EDA2R: variants seen among roughly 807,000 people sequenced by gnomAD.
The protein encoded by EDA2R is tumor necrosis factor receptor superfamily member 27.
Under a neutral mutation model 20.1 loss-of-function variants are expected in EDA2R, and 26 were observed. The ratio of observed to expected loss-of-function variants is 1.30; its 90% CI spans 0.95 to 1.80. The LOEUF is 1.80. EDA2R is among the 40% of genes most tolerant of loss of function. EDA2R has a pLI of 0.00. For synonymous variants in EDA2R, 114 were observed against 88.7 expected (o/e 1.29, Z -1.60); for missense variants, 277 against 228.7 (o/e 1.21, Z -1.36).
At position 66,596,277 on chromosome X, in the gene EDA2R, T is replaced by C. The variant is rs756867323; in HGVS notation, c.*1827A>G. On this transcript the variant is annotated 3_prime_UTR_variant, in exon 7 of 7. Coordinates refer to ENST00000374719, the MANE Select transcript of EDA2R (RefSeq NM_021783.5). ...TGAAAAGTAAAACTGTAAAAAGAAC[T>C]CTCCTGAAGCAAATACTCAACTATG... 2.7e-5 allele frequency: 3 copies of C among 110,824 alleles called. No homozygotes were observed. Among genetic ancestry groups the C allele is most frequent in the South Asian group, 3.8e-4 (1 of 2,623 alleles). 9.1% of individuals were successfully genotyped at this position (110,824 alleles called of 1,213,427 possible). A position where few individuals can be genotyped will look rare whatever the true frequency, so the allele number is the denominator to read the frequency against.
chrX:66,604,582 A>C, intron 3 of EDA2R, 76 bp from the exon 4 acceptor site: 1 of 966,359 alleles, frequency 1.0e-6, no homozygotes, highest in Non-Finnish European at 1.4e-6. Context: ...CTGGGAAAGC[A>C]GCTCCTAAGA....
intron 6 of EDA2R, 145 bp downstream of exon 6, chrX:66,599,329 G>A: frequency 1.6e-6 from 1 of 624,454 alleles, no homozygotes; most frequent in South Asian, 4.3e-5. Context: ...CACCACTGTT[G>A]CCCCTCCACC....
chrX:66,615,198 G>A (rs1289099018), intron 2 of EDA2R, among the ~76,000 whole-genome samples: 1 of 111,743 alleles, frequency 8.9e-6, no homozygotes, highest in Non-Finnish European at 1.9e-5. Flanking sequence ...CCATATCCAT[G>A]GTGTCTACAA....
At chrX:66,638,217 G>A (rs1934531620) in intron 1 of EDA2R, among the ~76,000 whole-genome samples, 1 of 111,677 alleles carries the variant, frequency 9.0e-6, no homozygotes, top group African/African-American at 3.3e-5. Flanking sequence ...CAGTGAGTCT[G>A]CGGAGTTGAA....
rs191392734 is a variant in EDA2R at position 66,613,740 on chromosome X, G to A, written c.87+2194C>T. 3.2e-4 allele frequency among the ~76,000 whole-genome samples: 36 copies of A among 111,489 alleles called. 1 individual carries two copies. In the South Asian group the frequency reaches 9.7e-3, roughly 30 times the overall value. On this transcript the variant is annotated intron_variant, in intron 2 of 6. Coordinates refer to ENST00000374719, the MANE Select transcript of EDA2R (RefSeq NM_021783.5). ...GATATATTTCAAGAGTCTTAAAATC[G>A]TACGCATTATTTAGCTTGGCAATTA...
intron 2 of EDA2R, among the ~76,000 whole-genome samples, chrX:66,615,161 T>C (rs1265653623): frequency 8.9e-6 from 1 of 112,223 alleles, no homozygotes; most frequent in African/African-American, 3.2e-5. Context: ...GTAAGGTCCA[T>C]GAAGGCAAAT....
intron 1 of EDA2R, among the ~76,000 whole-genome samples, chrX:66,626,998 A>G (rs1399283042): frequency 9.0e-6 from 1 of 111,584 alleles, no homozygotes; most frequent in East Asian, 2.8e-4. Flanking sequence ...TCAGCCAGGA[A>G]TTTTGTATCC....
chrX:66,606,294 C>T (rs1929670707), intron 2 of EDA2R, among the ~76,000 whole-genome samples: 1 of 111,939 alleles, frequency 8.9e-6, no homozygotes, highest in Admixed American at 9.5e-5. Context: ...TCTTTAACCC[C>T]ACTGCAATGA....
Position 66,607,961 on chromosome X carries a change from G to C in EDA2R, c.88-2735C>G, listed in dbSNP as rs1337994563. On this transcript the variant is annotated intron_variant, in intron 2 of 6. Coordinates refer to ENST00000374719, the MANE Select transcript of EDA2R (RefSeq NM_021783.5). ...CTTAAATTTGCTCAAAGACACACAT[G>C]GACAAAGAACTAAAAGAAATCAGGA... 6.3e-5 allele frequency among the ~76,000 whole-genome samples: 7 copies of C among 111,787 alleles called. No homozygotes were observed. The East Asian group carries it at 1.7e-3, about 27-fold the overall frequency.
chrX:66,618,362 G>T (rs1932066850), intron 1 of EDA2R, among the ~76,000 whole-genome samples: 1 of 112,257 alleles, frequency 8.9e-6, no homozygotes, highest in African/African-American at 3.2e-5. Context: ...TCATTACCTA[G>T]GGAGAAAGTC....
chrX:66,628,618 AC>A (rs756343165), intron 1 of EDA2R, among the ~76,000 whole-genome samples: 2 of 105,370 alleles, frequency 1.9e-5, no homozygotes, highest in East Asian at 2.9e-4. Flanking sequence ...GGAAAAATAC[AC>A]CCCCCCAGCT....
intron 2 of EDA2R, among the ~76,000 whole-genome samples, chrX:66,607,218 C>T (rs1194586317): frequency 8.9e-6 from 1 of 111,996 alleles, no homozygotes; most frequent in Admixed American, 9.4e-5. Flanking sequence ...AGCACAGAGC[C>T]AATCTAAAAA....
chrX:66,637,820 A>G, intron 1 of EDA2R, among the ~76,000 whole-genome samples: 1 of 111,889 alleles, frequency 8.9e-6, no homozygotes, highest in Non-Finnish European at 1.9e-5. Flanking sequence ...CAGCCCCATG[A>G]GGTGGGTGCT....
chrX:66,603,116 A>G (rs767776108), intron 4 of EDA2R, among the ~76,000 whole-genome samples: 9 of 112,051 alleles, frequency 8.0e-5, no homozygotes, highest in Non-Finnish European at 1.5e-4. Flanking sequence ...AGAGCACAAG[A>G]TAAACAAATC....
At chrX:66,616,857 G>T (rs761951388) in intron 1 of EDA2R, among the ~76,000 whole-genome samples, 1 of 112,124 alleles carries the variant, frequency 8.9e-6, no homozygotes, top group African/African-American at 3.2e-5. Flanking sequence ...CTTAATCTAA[G>T]AAAAAGGGAT....
chrX:66,633,184 C>G (rs992216375), intron 1 of EDA2R, among the ~76,000 whole-genome samples: 1 of 112,201 alleles, frequency 8.9e-6, no homozygotes, highest in African/African-American at 3.2e-5. Flanking sequence ...TCAAAACATG[C>G]GTACGTGCAC....
chrX:66,633,415 G>A (rs1166329497), intron 1 of EDA2R, among the ~76,000 whole-genome samples: 2 of 111,766 alleles, frequency 1.8e-5, no homozygotes, highest in African/African-American at 6.5e-5. Flanking sequence ...GAGGGAAAAC[G>A]TTCTTCTACT....
chrX:66,635,692 T>C (rs1934255873), intron 1 of EDA2R, among the ~76,000 whole-genome samples: 1 of 112,162 alleles, frequency 8.9e-6, no homozygotes, highest in South Asian at 3.7e-4. Context: ...AAAGCCATAC[T>C]GAACTTGGAG....
intron 1 of EDA2R, among the ~76,000 whole-genome samples, chrX:66,618,511 A>T (rs1932089898): frequency 8.9e-6 from 1 of 112,421 alleles, no homozygotes; most frequent in South Asian, 3.7e-4. Context: ...CTGCAGCTAG[A>T]CACTCTTCCA....
Sources: allele counts gnomAD v4.1 joint callset (sites outside exome capture counted in the v4.1 genomes callset), GRCh38; gene constraint gnomAD v4.1.1; transcripts MANE v1.5; gene names NCBI Gene and HGNC (gene_info 2026-07-23, HGNC 2026-07-21).